The following MAP4K5 variants were observed in gnomAD, a reference collection of about 807,000 sequenced individuals.
MAP4K5 encodes MAPK/ERK kinase kinase kinase 5.
A neutral mutation model predicts 135.6 loss-of-function variants in MAP4K5; 82 were observed. The ratio of observed to expected loss-of-function variants is 0.60; its 90% CI spans 0.51 to 0.73. MAP4K5 has a LOEUF of 0.73. Among genes scored for constraint, MAP4K5 ranks in the 30% least tolerant of loss-of-function variants. The probability of loss-of-function intolerance (pLI) is 0.00; values close to 1 mark genes in which losing one functional copy is unlikely to be tolerated. For missense variants in MAP4K5, 907 were observed against 1,010.9 expected (o/e 0.90, Z 1.39); for synonymous variants, 347 against 335.0 (o/e 1.04, Z -0.39).
chr14:50,451,783 A>T (rs1228981079), intron 14 of MAP4K5, among the ~76,000 whole-genome samples: 1 of 152,150 alleles, frequency 6.6e-6, no homozygotes, highest in Non-Finnish European at 1.5e-5. Context: ...GTTAAAAAAA[A>T]ACAAAACGTG....
chr14:50,503,687 C>T (rs1027786293), intron 3 of MAP4K5, among the ~76,000 whole-genome samples: 1 of 151,980 alleles, frequency 6.6e-6, no homozygotes, highest in Non-Finnish European at 1.5e-5. Context: ...AAAAATAAGC[C>T]ATACCCTCAA....
chr14:50,459,856 C>G (rs1488572614), intron 13 of MAP4K5, among the ~76,000 whole-genome samples: 4 of 152,010 alleles, frequency 2.6e-5, no homozygotes, highest in Non-Finnish European at 5.9e-5. Flanking sequence ...TGCCACCATG[C>G]CCAGCTAATT....
chr14:50,491,362 A>T (rs922260446), intron 3 of MAP4K5, among the ~76,000 whole-genome samples: 1 of 146,056 alleles, frequency 6.8e-6, no homozygotes, highest in African/African-American at 2.6e-5. Context: ...TCGCTCTGTC[A>T]CCCAGGCTAA....
Position 50,456,512 on chromosome 14 carries a change from A to T in MAP4K5, c.1015+4T>A. 3 of 1,560,736 alleles carry T rather than the reference A, an allele frequency of 1.9e-6. No homozygotes were observed. The highest frequency in any genetic ancestry group is 2.6e-6 in the Non-Finnish European group (3 of 1,148,600). Reference sequence around the variant, plus strand: ...CCAATGGAAAATGTAAACCAAACACATACAATTTATTTCTGAAGCTGTCCG... The same window carrying T: ...CCAATGGAAAATGTAAACCAAACACTTACAATTTATTTCTGAAGCTGTCCG... On this transcript the variant is annotated splice_donor_region_variant and intron_variant, in intron 14 of 32. Coordinates refer to ENST00000682126, the MANE Select transcript of MAP4K5 (RefSeq NM_006575.6).
At chr14:50,531,519 A>C (rs945883091) in intron 2 of MAP4K5, among the ~76,000 whole-genome samples, 4 of 152,230 alleles carry the variant, frequency 2.6e-5, no homozygotes, top group African/African-American at 9.6e-5. Context: ...TTTTTTAGTC[A>C]AACTCATCCA....
intron 6 of MAP4K5, among the ~76,000 whole-genome samples, chr14:50,481,453 T>TTAGA (rs2139906086): frequency 6.6e-6 from 1 of 152,064 alleles, no homozygotes; most frequent in South Asian, 2.1e-4. Context: ...TTGGAAAATA[T>TTAGA]TAGAGAACAA....
intron 2 of MAP4K5, among the ~76,000 whole-genome samples, chr14:50,538,023 C>T (rs1404895491): frequency 1.2e-4 from 19 of 152,008 alleles, no homozygotes; most frequent in South Asian, 4.1e-4. Flanking sequence ...TGGGAGGGGC[C>T]GGGGGCAGAA....
intron 3 of MAP4K5, among the ~76,000 whole-genome samples, chr14:50,489,242 G>C (rs2037431712): frequency 6.6e-6 from 1 of 152,186 alleles, no homozygotes; most frequent in Admixed American, 6.5e-5. Flanking sequence ...CAGCTACTCA[G>C]GAGGCTGAGG....
intron 9 of MAP4K5, among the ~76,000 whole-genome samples, chr14:50,469,225 A>G (rs925733599): frequency 1.3e-5 from 2 of 152,244 alleles, no homozygotes; most frequent in Non-Finnish European, 2.9e-5. Context: ...TGCTCAATGT[A>G]TCACCTGCAA....
At chr14:50,527,139 G>A (rs2038283916) in intron 2 of MAP4K5, among the ~76,000 whole-genome samples, 1 of 152,150 alleles carries the variant, frequency 6.6e-6, no homozygotes, top group African/African-American at 2.4e-5. Flanking sequence ...AGGAGATTGA[G>A]ACCATCCTAG....
intron 6 of MAP4K5, among the ~76,000 whole-genome samples, chr14:50,481,031 C>G (rs2037229946): frequency 6.6e-6 from 1 of 150,900 alleles, no homozygotes; most frequent in Non-Finnish European, 1.5e-5. Flanking sequence ...ATTACGGTCA[C>G]ATACCAGCGC....
intron 2 of MAP4K5, among the ~76,000 whole-genome samples, chr14:50,524,601 C>G (rs778410414): frequency 4.8e-5 from 7 of 145,918 alleles, no homozygotes; most frequent in Non-Finnish European, 1.1e-4. Context: ...CTCTAAGGGA[C>G]AGAAAAGCCC....
chr14:50,486,228 T>C, intron 3 of MAP4K5, 34 bp from the exon 4 acceptor site: 1 of 723,936 alleles, frequency 1.4e-6, no homozygotes, highest in Non-Finnish European at 2.3e-6. Flanking sequence ...ATCATGTTAC[T>C]CAAAATCTCT....
intron 30 of MAP4K5, 101 bp from the exon 31 acceptor site, chr14:50,426,078 C>T (rs955393380): frequency 4.3e-6 from 3 of 705,676 alleles, no homozygotes; most frequent in Non-Finnish European, 7.1e-6. Flanking sequence ...ATTCAAGTGT[C>T]TAGTGCAAAA....
intron 28 of MAP4K5, among the ~76,000 whole-genome samples, chr14:50,431,272 CT>C (rs1216855716): frequency 1.3e-5 from 2 of 151,070 alleles, no homozygotes; most frequent in Non-Finnish European, 2.9e-5. Context: ...TATTATTATA[CT>C]TTAAGTTTTA....
chr14:50,473,095 T>C (rs947284164), intron 9 of MAP4K5, among the ~76,000 whole-genome samples: 2 of 152,176 alleles, frequency 1.3e-5, no homozygotes, highest in African/African-American at 4.8e-5. Context: ...TTAATAATTT[T>C]TCTTTATATG....
chr14:50,458,111 G>A (rs910497971), intron 13 of MAP4K5, among the ~76,000 whole-genome samples: 12 of 152,016 alleles, frequency 7.9e-5, no homozygotes, highest in African/African-American at 2.7e-4. Context: ...TTACTATTCT[G>A]TACCTTCTTC....
chr14:50,493,027 A>T (rs1210777234), intron 3 of MAP4K5, among the ~76,000 whole-genome samples: 1 of 151,864 alleles, frequency 6.6e-6, no homozygotes, highest in Non-Finnish European at 1.5e-5. Context: ...GTCTCAAAAA[A>T]AAGAAAAAAA....
chr14:50,420,063 G>C lies in MAP4K5; in HGVS notation c.2497C>G (p.His833Asp), dbSNP rs750627210. The C allele has an allele frequency of 6.2e-7, 1 of 1,610,916 alleles. No homozygotes were observed. Among genetic ancestry groups the C allele is most frequent in the East Asian group, 2.2e-5 (1 of 44,864 alleles). The change falls in exon 33 of 33, where the codon CAC becomes GAC. Residue 833 changes from histidine to aspartate, a missense_variant. Physicochemically the swap from His to Asp is moderately conservative, Grantham distance 81 (BLOSUM62 -1). Transcript: ENST00000682126. ...ESRPTENPTAHSNLYILAGHE... is the reference protein window; with the variant it reads ...ESRPTENPTADSNLYILAGHE... ...CCAGCCAAGATGTAGAGATTGCTGT[G>C]TGCAGTAGGATTTTCTGTTGGCCTA...
Sources: allele counts gnomAD v4.1 joint callset (sites outside exome capture counted in the v4.1 genomes callset), GRCh38; gene constraint gnomAD v4.1.1; transcripts MANE v1.5; gene names NCBI Gene and HGNC (gene_info 2026-07-23, HGNC 2026-07-21).